Variants in GRM5 observed in about 807,000 individuals in gnomAD.
GRM5 encodes the protein metabotropic glutamate receptor 5.
A neutral mutation model predicts 83.1 loss-of-function variants in GRM5; 19 were observed. The observed-to-expected ratio is 0.23, with a 90% CI of 0.16 to 0.34. The LOEUF is 0.34. GRM5 is among the 10% of genes least tolerant of loss of function. The pLI is 1.00. For missense variants in GRM5, 1,160 were observed against 1,588.3 expected (o/e 0.73, Z 4.58); for synonymous variants, 675 against 633.6 (o/e 1.07, Z -0.98).
chr11:88,663,151 G>A (rs750759208), intron 3 of GRM5, among the ~76,000 whole-genome samples: 30 of 152,106 alleles, frequency 2.0e-4, no homozygotes, highest in Admixed American at 2.0e-3. Flanking sequence ...AATCTTAGGC[G>A]GTCTGACCTA....
chr11:88,702,646 C>A (rs1941061219), intron 3 of GRM5, among the ~76,000 whole-genome samples: 1 of 151,970 alleles, frequency 6.6e-6, no homozygotes, highest in Admixed American at 6.6e-5. Flanking sequence ...AATGTGACTG[C>A]CCAAAATTCA....
chr11:88,826,082 C>T (rs1308587243), intron 3 of GRM5, among the ~76,000 whole-genome samples: 1 of 152,016 alleles, frequency 6.6e-6, no homozygotes, highest in African/African-American at 2.4e-5. Flanking sequence ...GAATAATATC[C>T]TTAAAGGTAT....
chr11:88,837,537 G>T (rs914117441), intron 3 of GRM5, among the ~76,000 whole-genome samples: 2 of 152,140 alleles, frequency 1.3e-5, no homozygotes, highest in Non-Finnish European at 2.9e-5. Context: ...CTAAACAAAT[G>T]TTCGCAGTGT....
At chr11:88,629,660 T>C (rs1042674326) in intron 4 of GRM5, among the ~76,000 whole-genome samples, 7 of 152,158 alleles carry the variant, frequency 4.6e-5, no homozygotes, top group African/African-American at 1.4e-4. Flanking sequence ...CCATGCTGTC[T>C]CCTCCAATTG....
chr11:88,825,229 C>CTTT (rs570503924), intron 3 of GRM5, among the ~76,000 whole-genome samples: 3 of 143,628 alleles, frequency 2.1e-5, no homozygotes, highest in African/African-American at 5.1e-5. Context: ...GGATCCTGAA[C>CTTT]TTTTTTTTTT....
At chr11:88,912,954 G>T (rs2135613469) in intron 2 of GRM5, among the ~76,000 whole-genome samples, 1 of 152,274 alleles carries the variant, frequency 6.6e-6, no homozygotes. Flanking sequence ...GCAAATTTGA[G>T]TAGCAATATG....
intron 4 of GRM5, among the ~76,000 whole-genome samples, chr11:88,648,186 A>C (rs550246789): frequency 6.6e-6 from 1 of 152,014 alleles, no homozygotes; most frequent in Non-Finnish European, 1.5e-5. Flanking sequence ...TCTTGCTGCT[A>C]TAAAGACACA....
intron 3 of GRM5, among the ~76,000 whole-genome samples, chr11:88,825,472 A>G (rs747188665): frequency 3.3e-5 from 5 of 152,162 alleles, no homozygotes; most frequent in Non-Finnish European, 5.9e-5. Flanking sequence ...CATCTTCATT[A>G]TATTGAGAAA....
rs572755323 is a variant in GRM5, at chr11:89,025,837, C to T, written c.661+21375G>A. Among the ~76,000 whole-genome samples, 15 of 152,276 alleles carry T rather than the reference C, an allele frequency of 9.9e-5. No individual in the cohort carries two copies. In the South Asian group the frequency reaches 3.1e-3, roughly 32 times the overall value. On this transcript the variant is annotated intron_variant, in intron 2 of 9. Transcript: ENST00000305447. Reference sequence around the variant, plus strand: ...CCCAGCAATCCTGTTACTGGTTATACAACCAAAGGAATATAAATTGTTTTA... The same window carrying T: ...CCCAGCAATCCTGTTACTGGTTATATAACCAAAGGAATATAAATTGTTTTA...
chr11:88,845,319 T>A (rs1316728042), intron 3 of GRM5, among the ~76,000 whole-genome samples: 1 of 113,552 alleles, frequency 8.8e-6, no homozygotes, highest in African/African-American at 3.5e-5. Flanking sequence ...GATGATCACT[T>A]GCTTTTTTTT....
intron 3 of GRM5, among the ~76,000 whole-genome samples, chr11:88,784,311 A>G (rs185202888): frequency 6.6e-6 from 1 of 152,214 alleles, no homozygotes; most frequent in Admixed American, 6.6e-5. Context: ...CTGCTAGTTC[A>G]GAAATACCAG....
At chr11:88,695,681 A>G (rs1483167681) in intron 3 of GRM5, among the ~76,000 whole-genome samples, 1 of 152,196 alleles carries the variant, frequency 6.6e-6, no homozygotes, top group African/African-American at 2.4e-5. Context: ...TTTGTAATTG[A>G]GTTTTCAAGG....
rs756366093 is a variant in GRM5 at position 88,727,584 on chromosome 11, A to G, written c.912-74181T>C. ...TCCTCCCCAAATCAAGAGAATATAC[A>G]TTCTTCTCAGCACCACATCACACTT... On this transcript the variant is annotated intron_variant, in intron 3 of 9. Coordinates refer to ENST00000305447, the MANE Select transcript of GRM5 (RefSeq NM_001143831.3). 6.6e-5 allele frequency among the ~76,000 whole-genome samples: 10 copies of G among 152,344 alleles called. 1 individual carries two copies. The highest frequency in any genetic ancestry group is 2.1e-4 in the South Asian group (1 of 4,830).
At chr11:88,804,576 A>G (rs1200363501) in intron 3 of GRM5, among the ~76,000 whole-genome samples, 1 of 151,918 alleles carries the variant, frequency 6.6e-6, no homozygotes, top group Non-Finnish European at 1.5e-5. Context: ...TAGTAGTTAT[A>G]CCTAATGCTA....
intron 3 of GRM5, among the ~76,000 whole-genome samples, chr11:88,840,410 T>C (rs935113585): frequency 2.6e-5 from 4 of 152,220 alleles, no homozygotes; most frequent in Non-Finnish European, 4.4e-5. Flanking sequence ...CTGTTAATTC[T>C]TGTAGTGTGA....
At chr11:88,815,734 A>C (rs1943664348) in intron 3 of GRM5, among the ~76,000 whole-genome samples, 1 of 152,196 alleles carries the variant, frequency 6.6e-6, no homozygotes, top group Non-Finnish European at 1.5e-5. Context: ...ACAGAGTGAG[A>C]ACTCACTCAT....
intron 2 of GRM5, among the ~76,000 whole-genome samples, chr11:89,018,705 G>T (rs1940914695): frequency 6.6e-6 from 1 of 152,136 alleles, no homozygotes; most frequent in Non-Finnish European, 1.5e-5. Context: ...GGGATAGTGG[G>T]AAGTTATGGG....
chr11:88,987,723 C>A (rs1456185770), intron 2 of GRM5, among the ~76,000 whole-genome samples: 2 of 152,002 alleles, frequency 1.3e-5, no homozygotes, highest in Non-Finnish European at 2.9e-5. Flanking sequence ...AGCAGCCTAA[C>A]TGGGAGGCAC....
intron 7 of GRM5, among the ~76,000 whole-genome samples, chr11:88,584,437 T>G (rs917346325): frequency 4.6e-5 from 7 of 152,098 alleles, no homozygotes; most frequent in Admixed American, 2.6e-4. Context: ...TTTCTTTTCT[T>G]TTCTTTTTGT....
Sources: allele counts gnomAD v4.1 joint callset (sites outside exome capture counted in the v4.1 genomes callset), GRCh38; gene constraint gnomAD v4.1.1; transcripts MANE v1.5; gene names NCBI Gene and HGNC (gene_info 2026-07-23, HGNC 2026-07-21).